MDGA2: variants seen among roughly 807,000 people sequenced by gnomAD.
MDGA2 encodes MAM domain containing glycosylphosphatidylinositol anchor 2, also known as MAM domain-containing glycosylphosphatidylinositol anchor protein 2.
A neutral mutation model predicts 117.8 loss-of-function variants in MDGA2; 40 were observed. That is an observed-to-expected ratio of 0.34 (90% CI 0.26 to 0.44). The LOEUF (loss-of-function observed/expected upper bound fraction) is 0.44. Among genes scored for constraint, MDGA2 ranks in the 20% least tolerant of loss-of-function variants. MDGA2 has a pLI of 1.00. For synonymous variants in MDGA2, 452 were observed against 439.0 expected (o/e 1.03, Z -0.37); for missense variants, 1,123 against 1,250.6 (o/e 0.90, Z 1.54).
chr14:47,121,101 A>G (rs1314561647), intron 5 of MDGA2, among the ~76,000 whole-genome samples: 1 of 152,152 alleles, frequency 6.6e-6, no homozygotes, highest in Non-Finnish European at 1.5e-5. Flanking sequence ...CTCATTTATA[A>G]CTGAGCCAAA....
At chr14:47,047,184 T>C (rs2138705904) in intron 7 of MDGA2, among the ~76,000 whole-genome samples, 1 of 152,254 alleles carries the variant, frequency 6.6e-6, no homozygotes, top group South Asian at 2.1e-4. Flanking sequence ...TGGTTGCTAA[T>C]TATTATTTCC....
chr14:47,012,541 C>A (rs1887930583), intron 8 of MDGA2, among the ~76,000 whole-genome samples: 1 of 151,964 alleles, frequency 6.6e-6, no homozygotes, highest in Admixed American at 6.6e-5. Flanking sequence ...AACACAAAAC[C>A]AAATAAAAAT....
intron 8 of MDGA2, among the ~76,000 whole-genome samples, chr14:46,977,327 GA>G (rs768454276): frequency 7.5e-4 from 113 of 151,554 alleles, no homozygotes; most frequent in Non-Finnish European, 1.4e-3. Flanking sequence ...GTTGAAATAA[GA>G]AGAGGTTAAA....
At chr14:47,584,010 C>G (rs1896276159) in intron 1 of MDGA2, among the ~76,000 whole-genome samples, 1 of 151,764 alleles carries the variant, frequency 6.6e-6, no homozygotes, top group Non-Finnish European at 1.5e-5. Context: ...TTCACGGTCA[C>G]AAAGTGTCTG....
At chr14:46,968,991 A>C (rs926206192) in intron 8 of MDGA2, among the ~76,000 whole-genome samples, 4 of 152,180 alleles carry the variant, frequency 2.6e-5, no homozygotes, top group African/African-American at 9.6e-5. Flanking sequence ...CAATAGCTAG[A>C]AAAAATATAG....
intron 8 of MDGA2, among the ~76,000 whole-genome samples, chr14:47,014,589 G>A (rs932211350): frequency 6.6e-6 from 1 of 152,116 alleles, no homozygotes; most frequent in African/African-American, 2.4e-5. Flanking sequence ...TTTATGTTAT[G>A]GAGATGGCTT....
chr14:47,409,759 T>C (rs1160559830), intron 1 of MDGA2, among the ~76,000 whole-genome samples: 1 of 152,152 alleles, frequency 6.6e-6, no homozygotes, highest in Non-Finnish European at 1.5e-5. Context: ...GAAAACCTCA[T>C]GAATACGGTA....
At chr14:47,521,109 T>C (rs971261786) in intron 1 of MDGA2, among the ~76,000 whole-genome samples, 2 of 152,306 alleles carry the variant, frequency 1.3e-5, no homozygotes. Context: ...GAAATTAAAA[T>C]TGATTTCCCA....
chr14:47,211,109 AAC>A (rs1308665852), intron 3 of MDGA2, among the ~76,000 whole-genome samples: 4 of 152,220 alleles, frequency 2.6e-5, no homozygotes, highest in Non-Finnish European at 4.4e-5. Context: ...TGACATAATT[AAC>A]AGTCTATCTT....
At chr14:47,598,646 T>C (rs1436436914) in intron 1 of MDGA2, among the ~76,000 whole-genome samples, 1 of 152,054 alleles carries the variant, frequency 6.6e-6, no homozygotes, top group Non-Finnish European at 1.5e-5. Context: ...GAAAGTAGAA[T>C]AGAGATAACC....
In MDGA2 at chr14:47,069,258, T is replaced by A. The variant is rs576614200; in HGVS notation, c.1196-7680A>T. ...ATCAATTAATCCAATATTTTCTAGT[T>A]CCCATTCATGTTTGTATTATTTACA... On this transcript the variant is annotated intron_variant, in intron 6 of 16. Transcript: ENST00000399232. Among the ~76,000 whole-genome samples the A allele has an allele frequency of 4.6e-5, 7 of 152,344 alleles. No individual in the cohort carries two copies. The East Asian group carries it at 9.6e-4, about 21-fold the overall frequency.
At chr14:47,624,049 G>C (rs1897097221) in intron 1 of MDGA2, among the ~76,000 whole-genome samples, 2 of 152,270 alleles carry the variant, frequency 1.3e-5, no homozygotes, top group South Asian at 4.1e-4. Flanking sequence ...TTGAGGCACT[G>C]ATTTTCCTTT....
At chr14:47,209,744 T>A (rs757738271) in intron 3 of MDGA2, among the ~76,000 whole-genome samples, 1 of 152,160 alleles carries the variant, frequency 6.6e-6, no homozygotes, top group African/African-American at 2.4e-5. Context: ...TCTTCATCGG[T>A]ATAATTCAGA....
At chr14:47,238,738 A>C (rs1886947112) in intron 2 of MDGA2, among the ~76,000 whole-genome samples, 1 of 151,742 alleles carries the variant, frequency 6.6e-6, no homozygotes, top group Non-Finnish European at 1.5e-5. Flanking sequence ...TAGAAAGTAA[A>C]AGTTCAGGAA....
intron 2 of MDGA2, 43 bp from the exon 3 acceptor site, chr14:47,218,238 C>A (rs1215349107): frequency 1.4e-6 from 2 of 1,429,934 alleles, no homozygotes; most frequent in Non-Finnish European, 1.9e-6. Context: ...GGTTGGTTTT[C>A]CCACAGAGAA....
At chr14:46,957,801 T>A (rs1885623359) in intron 8 of MDGA2, among the ~76,000 whole-genome samples, 158 bp from the exon 9 acceptor site, 1 of 152,006 alleles carries the variant, frequency 6.6e-6, no homozygotes. Context: ...AATTTTAGCT[T>A]GGGTTGGGAA....
At chr14:47,485,190 A>G (rs1894034482) in intron 1 of MDGA2, among the ~76,000 whole-genome samples, 2 of 152,180 alleles carry the variant, frequency 1.3e-5, no homozygotes, top group Admixed American at 6.5e-5. Context: ...GATATGAACA[A>G]TAAGGTCCAG....
chr14:47,249,870 T>C (rs551914986), intron 2 of MDGA2, among the ~76,000 whole-genome samples: 1 of 152,324 alleles, frequency 6.6e-6, no homozygotes, highest in African/African-American at 2.4e-5. Context: ...CAATAAAGTG[T>C]TGATAACTAG....
At chr14:47,084,906 C>G (rs1890842142) in intron 6 of MDGA2, among the ~76,000 whole-genome samples, 1 of 150,752 alleles carries the variant, frequency 6.6e-6, no homozygotes, top group African/African-American at 2.5e-5. Flanking sequence ...AACACCCAGT[C>G]TATGGTATTT....
Sources: gnomAD v4.1 joint callset for allele counts (sites outside exome capture counted in the v4.1 genomes callset) on GRCh38, gnomAD v4.1.1 for gene constraint, MANE v1.5 for transcripts, NCBI Gene and HGNC (gene_info 2026-07-23, HGNC 2026-07-21) for gene names.